The following CCDC12 variants were observed in gnomAD, a reference collection of about 807,000 sequenced individuals.
CCDC12 encodes coiled-coil domain-containing protein 12.
In CCDC12, 28 loss-of-function variants were observed where a neutral mutation model predicts 25.7. The observed-to-expected ratio is 1.09, with a 90% CI of 0.81 to 1.50. CCDC12 has a LOEUF of 1.50. Ranked by LOEUF, CCDC12 falls within the 40% of genes most tolerant of loss-of-function variation. The pLI, the probability that CCDC12 is intolerant of heterozygous loss-of-function variation, is 0.00. For synonymous variants in CCDC12, 75 were observed against 87.7 expected, an observed-to-expected ratio of 0.86 and a Z score of 0.81; for missense variants, 198 against 210.0, an observed-to-expected ratio of 0.94 and a Z score of 0.35.
chr3:46,924,510 T>C (rs539197131), intron 3 of CCDC12, among the ~76,000 whole-genome samples: 155 of 152,346 alleles, frequency 1.0e-3, no homozygotes, highest in Non-Finnish European at 1.8e-3. Context: ...TTTCCCAAGA[T>C]AAATGTATTT....
At chr3:46,976,614 G>A in intron 1 of CCDC12, 23 bp downstream of exon 1, 1 of 1,602,506 alleles carries the variant, frequency 6.2e-7, no homozygotes. Context: ...CCTCAACTGC[G>A]ACCCTCACTC....
chr3:46,935,157 T>C (rs190107518), intron 2 of CCDC12, among the ~76,000 whole-genome samples: 50 of 152,350 alleles, frequency 3.3e-4, no homozygotes, highest in Non-Finnish European at 3.7e-4. Context: ...AGTGGCCTCA[T>C]TGCTTTTGCA....
chr3:46,925,558 C>G, intron 2 of CCDC12, 23 bp from the exon 3 acceptor site: 5 of 1,525,178 alleles, frequency 3.3e-6, no homozygotes, highest in Middle Eastern at 1.7e-4. Context: ...AGGGAACAAG[C>G]AGAGATGAAG....
intron 1 of CCDC12, among the ~76,000 whole-genome samples, chr3:46,950,296 GA>G (rs2034064710): frequency 9.1e-6 from 1 of 109,562 alleles, no homozygotes; most frequent in Admixed American, 1.1e-4. Flanking sequence ...AACCAGAAGA[GA>G]AATTGATCTA....
At chr3:46,945,119 G>T (rs1015885480) in intron 1 of CCDC12, among the ~76,000 whole-genome samples, 1 of 152,238 alleles carries the variant, frequency 6.6e-6, no homozygotes, top group Non-Finnish European at 1.5e-5. Context: ...GCACAGGCCT[G>T]TGGCCATTCC....
chr3:46,953,143 T>C (rs937506429), intron 1 of CCDC12, among the ~76,000 whole-genome samples: 21 of 151,774 alleles, frequency 1.4e-4, no homozygotes, highest in Middle Eastern at 3.2e-3. Flanking sequence ...CCAAAAGACA[T>C]CACAAGGAAA....
intron 2 of CCDC12, among the ~76,000 whole-genome samples, chr3:46,927,006 C>A (rs1316220708): frequency 2.0e-5 from 3 of 152,202 alleles, no homozygotes; most frequent in Non-Finnish European, 4.4e-5. Context: ...GACTCAGGGG[C>A]TTTCAGATGC....
chr3:46,948,671 G>A (rs946706813), intron 1 of CCDC12, among the ~76,000 whole-genome samples: 1 of 152,334 alleles, frequency 6.6e-6, no homozygotes, highest in African/African-American at 2.4e-5. Flanking sequence ...AGGAGGGCCC[G>A]CTCCACTCAG....
chr3:46,944,961 T>C (rs2033848399), intron 1 of CCDC12, among the ~76,000 whole-genome samples: 1 of 152,162 alleles, frequency 6.6e-6, no homozygotes, highest in African/African-American at 2.4e-5. Context: ...AAATATCTAC[T>C]CTGATAACCC....
rs1246860065 is a variant in CCDC12 at position 46,923,602 on chromosome 3, C to T, written c.306+5G>A. 6.2e-7 allele frequency: 1 copy of T among 1,604,270 alleles called. No individual in the cohort carries two copies. The highest frequency in any genetic ancestry group is 1.7e-5 in the Admixed American group (1 of 58,888). ...CGAGGATGCCAGGGTGGTCCAGGCA[C>T]TCACCACCTCCTCGATGACGGGCTC... On this transcript the variant is annotated splice_donor_5th_base_variant and intron_variant, in intron 4 of 6. Coordinates refer to ENST00000683445, the MANE Select transcript of CCDC12 (RefSeq NM_001277074.2).
At chr3:46,975,033 C>T (rs538159954) in intron 1 of CCDC12, among the ~76,000 whole-genome samples, 1 of 152,342 alleles carries the variant, frequency 6.6e-6, no homozygotes, top group African/African-American at 2.4e-5. Context: ...CAGAATTCTT[C>T]TTCCTCTCCA....
At chr3:46,923,140 C>T in intron 5 of CCDC12, 189 bp downstream of exon 5, 2 of 544,602 alleles carry the variant, frequency 3.7e-6, no homozygotes, top group South Asian at 8.5e-5. Flanking sequence ...CCCACTCCAT[C>T]ACTCCCCTCT....
upstream of CCDC12, among the ~76,000 whole-genome samples, chr3:46,980,096 C>G (rs1029663307): frequency 3.3e-5 from 5 of 152,076 alleles, no homozygotes; most frequent in African/African-American, 1.2e-4. Context: ...CCGGGTGCCT[C>G]TGGCACTTAT....
intron 1 of CCDC12, among the ~76,000 whole-genome samples, chr3:46,947,563 G>C (rs1237852027): frequency 1.3e-5 from 2 of 152,218 alleles, no homozygotes; most frequent in East Asian, 1.9e-4. Flanking sequence ...CAGGGGGAAA[G>C]GGGGAGAGAC....
At chr3:46,969,886 G>A (rs748514966) in intron 1 of CCDC12, among the ~76,000 whole-genome samples, 1 of 148,042 alleles carries the variant, frequency 6.8e-6, no homozygotes, top group Non-Finnish European at 1.5e-5. Flanking sequence ...ATTAAATGTC[G>A]CAGTAGCCAT....
At chr3:46,962,457 T>C (rs986004130) in intron 1 of CCDC12, among the ~76,000 whole-genome samples, 5 of 51,582 alleles carry the variant, frequency 9.7e-5, no homozygotes, top group African/African-American at 3.0e-4. Context: ...AAAAAAAAAA[T>C]TTAATTTTAA....
At chr3:46,939,005 C>T (rs537954375) in intron 2 of CCDC12, among the ~76,000 whole-genome samples, 4 of 152,302 alleles carry the variant, frequency 2.6e-5, no homozygotes, top group South Asian at 2.1e-4. Flanking sequence ...CTGTATCACA[C>T]GCCTGCTTCT....
Position 46,942,536 on chromosome 3 carries a change from C to T in CCDC12, c.97-1471G>A, listed in dbSNP as rs201028706. On this transcript the variant is annotated intron_variant, in intron 1 of 6. Coordinates refer to ENST00000683445, the MANE Select transcript of CCDC12 (RefSeq NM_001277074.2). The stretch of plus-strand genomic sequence containing the variant: ...AGACATTTATTTATGCCATTGACAA[C>T]TGCCTTCCTAAGAATGGTATCTGCT... 1.4e-4 allele frequency among the ~76,000 whole-genome samples: 21 copies of T among 152,366 alleles called. No homozygotes were observed. The East Asian group carries it at 3.1e-3, about 22-fold the overall frequency.
chr3:46,943,566 A>G (rs1467677032), intron 1 of CCDC12, among the ~76,000 whole-genome samples: 1 of 152,210 alleles, frequency 6.6e-6, no homozygotes, highest in Non-Finnish European at 1.5e-5. Context: ...GACTACGGGA[A>G]AGTGTCCAGC....
Sources: gnomAD v4.1 joint callset for allele counts (sites outside exome capture counted in the v4.1 genomes callset) on GRCh38, gnomAD v4.1.1 for gene constraint, MANE v1.5 for transcripts, NCBI Gene and HGNC (gene_info 2026-07-23, HGNC 2026-07-21) for gene names.